Variants in THSD7A observed in about 807,000 individuals in gnomAD.
THSD7A encodes thrombospondin type 1 domain containing 7A.
Under a neutral mutation model 231.3 loss-of-function variants are expected in THSD7A, and 96 were observed. The observed-to-expected ratio is 0.41, with a 90% CI of 0.35 to 0.49. The LOEUF (loss-of-function observed/expected upper bound fraction) is 0.49, where lower values mean the gene tolerates loss of function less well. THSD7A is among the 20% of genes least tolerant of loss of function. THSD7A has a pLI of 0.05. For missense variants in THSD7A, 2,290 were observed against 2,070.2 expected, an observed-to-expected ratio of 1.11 and a Z score of -2.06; for synonymous variants, 940 against 743.3, an observed-to-expected ratio of 1.26 and a Z score of -4.30.
chr7:11,818,486 A>G (rs1395514274), intron 1 of THSD7A, among the ~76,000 whole-genome samples: 1 of 152,152 alleles, frequency 6.6e-6, no homozygotes, highest in Non-Finnish European at 1.5e-5. Flanking sequence ...AGGTCATGGG[A>G]GCAACCTAAG....
At chr7:11,459,442 T>C (rs1562626029) in intron 11 of THSD7A, among the ~76,000 whole-genome samples, 1 of 152,024 alleles carries the variant, frequency 6.6e-6, no homozygotes, top group African/African-American at 2.4e-5. Context: ...TGATTTGAAA[T>C]GGAGGAGAAC....
At chr7:11,719,576 G>A (rs1451838032) in intron 1 of THSD7A, among the ~76,000 whole-genome samples, 1 of 151,506 alleles carries the variant, frequency 6.6e-6, no homozygotes, top group African/African-American at 2.4e-5. Context: ...CACATGGATC[G>A]CTCGGTCCTT....
intron 2 of THSD7A, among the ~76,000 whole-genome samples, chr7:11,617,323 C>A (rs914702142): frequency 6.6e-6 from 1 of 152,166 alleles, no homozygotes; most frequent in African/African-American, 2.4e-5. Flanking sequence ...GTATATCAAT[C>A]TAACTTTTGT....
chr7:11,646,693 G>T lies in THSD7A; in HGVS notation c.191-9732C>A, dbSNP rs147583845. On this transcript the variant is annotated intron_variant, in intron 1 of 27. Coordinates refer to ENST00000423059, the MANE Select transcript of THSD7A (RefSeq NM_015204.3). ...GATGCTAAGGGAGTCAAATAAACAAGATATTGGAGGTAAAGGAGTCCTATC... is the reference window on the plus strand; with the variant it reads ...GATGCTAAGGGAGTCAAATAAACAATATATTGGAGGTAAAGGAGTCCTATC... 1.7e-3 allele frequency among the ~76,000 whole-genome samples: 254 copies of T among 152,128 alleles called. 1 individual carries two copies. Among genetic ancestry groups the T allele is most frequent in the African/African-American group, 5.7e-3 (238 of 41,526 alleles).
intron 1 of THSD7A, among the ~76,000 whole-genome samples, chr7:11,746,333 T>G (rs1159276461): frequency 6.6e-6 from 1 of 151,910 alleles, no homozygotes; most frequent in Non-Finnish European, 1.5e-5. Context: ...AACACTGGTA[T>G]ATTACTATTA....
intron 1 of THSD7A, among the ~76,000 whole-genome samples, chr7:11,645,025 GT>G (rs1782226652): frequency 6.6e-6 from 1 of 151,906 alleles, no homozygotes; most frequent in Non-Finnish European, 1.5e-5. Flanking sequence ...CAATTTTAAG[GT>G]TTTAAAATAC....
chr7:11,382,110 T>C (rs117921838), intron 24 of THSD7A, among the ~76,000 whole-genome samples: 2,548 of 152,258 alleles, frequency 0.017, 33 homozygotes, highest in South Asian at 0.048. Flanking sequence ...ATTTGTATAA[T>C]CATATTCCCT....
intron 4 of THSD7A, among the ~76,000 whole-genome samples, chr7:11,571,109 T>A (rs1790609917): frequency 6.6e-6 from 1 of 152,076 alleles, no homozygotes; most frequent in Non-Finnish European, 1.5e-5. Flanking sequence ...GACACATCAG[T>A]TGGTCAGGAC....
chr7:11,784,001 A>T (rs915961114), intron 1 of THSD7A, among the ~76,000 whole-genome samples: 1 of 152,060 alleles, frequency 6.6e-6, no homozygotes, highest in Non-Finnish European at 1.5e-5. Flanking sequence ...TTAGTTTTTT[A>T]AATGTAAAAA....
chr7:11,431,985 G>C (rs1316631137), intron 13 of THSD7A, among the ~76,000 whole-genome samples: 1 of 152,044 alleles, frequency 6.6e-6, no homozygotes, highest in Non-Finnish European at 1.5e-5. Flanking sequence ...AGGAAAGTCA[G>C]ACCACCTTTA....
intron 1 of THSD7A, among the ~76,000 whole-genome samples, chr7:11,797,920 C>T (rs566492319): frequency 3.3e-5 from 5 of 152,020 alleles, no homozygotes; most frequent in Middle Eastern, 3.4e-3. Context: ...TTTAGGATAT[C>T]GCTTAAGAGA....
chr7:11,512,001 T>C (rs1245895664), intron 6 of THSD7A, among the ~76,000 whole-genome samples: 1 of 152,170 alleles, frequency 6.6e-6, no homozygotes, highest in African/African-American at 2.4e-5. Flanking sequence ...ACAGGCAACC[T>C]ACAGAATGGG....
At chr7:11,652,327 A>G (rs1782535864) in intron 1 of THSD7A, among the ~76,000 whole-genome samples, 2 of 151,968 alleles carry the variant, frequency 1.3e-5, no homozygotes, top group South Asian at 4.1e-4. Context: ...ATTTAGGATA[A>G]GAATAAATTT....
chr7:11,523,740 C>T (rs184525743), intron 6 of THSD7A, among the ~76,000 whole-genome samples: 2 of 152,074 alleles, frequency 1.3e-5, no homozygotes, highest in East Asian at 1.9e-4. Flanking sequence ...CCAGAATATA[C>T]TGGTCTGTTG....
intron 4 of THSD7A, among the ~76,000 whole-genome samples, chr7:11,588,491 T>C (rs558811895): frequency 1.6e-4 from 25 of 152,342 alleles, no homozygotes; most frequent in African/African-American, 5.8e-4. Context: ...TACCTCCATA[T>C]CTATTGACCT....
chr7:11,613,613 T>C (rs1304040074), intron 2 of THSD7A, among the ~76,000 whole-genome samples: 1 of 152,190 alleles, frequency 6.6e-6, no homozygotes, highest in Non-Finnish European at 1.5e-5. Context: ...AGAATGAAGA[T>C]TTGTATGGGC....
intron 1 of THSD7A, among the ~76,000 whole-genome samples, chr7:11,802,750 A>T (rs927563947): frequency 3.9e-5 from 6 of 152,164 alleles, no homozygotes; most frequent in African/African-American, 1.4e-4. Context: ...ATTAACACTT[A>T]CTAAATGTTT....
At chr7:11,555,235 A>G (rs948074071) in intron 4 of THSD7A, among the ~76,000 whole-genome samples, 1 of 151,960 alleles carries the variant, frequency 6.6e-6, no homozygotes, top group East Asian at 1.9e-4. Context: ...ATTTGGTGTT[A>G]CAAATGTCTA....
intron 2 of THSD7A, among the ~76,000 whole-genome samples, chr7:11,631,310 T>C (rs1185160822): frequency 6.6e-6 from 1 of 152,156 alleles, no homozygotes; most frequent in African/African-American, 2.4e-5. Flanking sequence ...AAACTGTAGA[T>C]TATTTCCTTG....
Sources: gnomAD v4.1 joint callset for allele counts (sites outside exome capture counted in the v4.1 genomes callset) on GRCh38, gnomAD v4.1.1 for gene constraint, MANE v1.5 for transcripts, NCBI Gene and HGNC (gene_info 2026-07-23, HGNC 2026-07-21) for gene names.